Variants in TMF1 observed in about 807,000 individuals in gnomAD.
TMF1 encodes the protein TATA element modulatory factor 1, also known as TATA element modulatory factor.
TMF1 carries 71 observed loss-of-function variants against 126.5 expected under a neutral mutation model. That is an observed-to-expected ratio of 0.56 (90% confidence interval 0.46 to 0.68). The LOEUF (loss-of-function observed/expected upper bound fraction) is 0.68, where lower values mean the gene tolerates loss of function less well. Among genes scored for constraint, TMF1 ranks in the 30% least tolerant of loss-of-function variants. The probability of loss-of-function intolerance (pLI) is 0.00; values close to 1 mark genes in which losing one functional copy is unlikely to be tolerated. For synonymous variants in TMF1, 461 were observed against 430.5 expected, an observed-to-expected ratio of 1.07 and a Z score of -0.88; for missense variants, 1,259 against 1,253.2, an observed-to-expected ratio of 1.00 and a Z score of -0.07.
At chr3:69,043,491 G>A (rs930944203) in intron 4 of TMF1, among the ~76,000 whole-genome samples, 31 of 152,102 alleles carry the variant, frequency 2.0e-4, no homozygotes, top group Admixed American at 2.0e-3. Context: ...TTTTTTAGTA[G>A]AGGCAGGGTC....
chr3:69,052,101 C>T lies in TMF1; in HGVS notation c.-15G>A, dbSNP rs1248358070. 2 of 1,601,624 alleles carry T rather than the reference C, an allele frequency of 1.2e-6. No individual in the cohort carries two copies. The highest frequency in any genetic ancestry group is 2.2e-5 in the East Asian group (1 of 44,474). On this transcript the variant is annotated 5_prime_UTR_variant, in exon 1 of 17. Transcript: ENST00000398559. Reference sequence around the variant, plus strand: ...AACCAACTCATCGCCCCTCCTCAGCCGGCAGTGGCGGCGGCAGCACCAAGC... The same window carrying T: ...AACCAACTCATCGCCCCTCCTCAGCTGGCAGTGGCGGCGGCAGCACCAAGC...
chr3:69,049,428 T>C (rs1235669523), intron 1 of TMF1, among the ~76,000 whole-genome samples: 2 of 152,192 alleles, frequency 1.3e-5, no homozygotes, highest in Non-Finnish European at 2.9e-5. Flanking sequence ...ACAAATGTTC[T>C]TTCCCGAAGA....
rs1359720426 is a variant in TMF1, at chr3:69,043,027, G to T, written c.1579-115C>A. The T allele has an allele frequency of 1.5e-5, 11 of 723,846 alleles. No individual in the cohort carries two copies. The East Asian group carries it at 2.5e-4, about 16-fold the overall frequency. 44.8% of individuals were successfully genotyped at this position (723,846 alleles called of 1,614,324 possible). ...ATAATCACATTTGCAATAAGAATCT[G>T]TAAGTTTTGTTCAGTTAATCTACTA... On this transcript the variant is annotated intron_variant, in intron 4 of 16. Coordinates refer to ENST00000398559, the MANE Select transcript of TMF1 (RefSeq NM_007114.3).
At chr3:69,039,714 TA>T in intron 5 of TMF1, 21 bp from the exon 6 acceptor site, 1 of 1,600,554 alleles carries the variant, frequency 6.2e-7, no homozygotes, top group African/African-American at 1.3e-5. Flanking sequence ...TAAAGAAGTA[TA>T]AACTCAAATG....
At chr3:69,023,710 TA>T (rs2091751681) in intron 16 of TMF1, among the ~76,000 whole-genome samples, 1 of 152,084 alleles carries the variant, frequency 6.6e-6, no homozygotes, top group African/African-American at 2.4e-5. Context: ...ACTTATGGCT[TA>T]ACAGTGTCTT....
intron 5 of TMF1, among the ~76,000 whole-genome samples, chr3:69,042,008 T>G (rs2091867904): frequency 6.6e-6 from 1 of 152,170 alleles, no homozygotes; most frequent in African/African-American, 2.4e-5. Flanking sequence ...GAATAGATCT[T>G]TAATTTCTGT....
rs2107470651 is a variant in TMF1, at chr3:69,048,359, A to G, written c.346T>C (p.Ser116Pro). The change falls in exon 2 of 17, where the codon TCA (serine) becomes CCA (proline). Residue 116 changes from serine to proline, a missense_variant. By Grantham distance (74) the Ser-to-Pro change is moderately conservative. Transcript: ENST00000398559. ...VQTIQKSPVV[S>P]KPPAKSQRPE... is the part of the protein sequence containing the mutation. ...CGTTGTGATTTTGCTGGAGGTTTTGATACCACTGGACTCTTCTGAATGGTC... is the reference window on the plus strand; with the variant it reads ...CGTTGTGATTTTGCTGGAGGTTTTGGTACCACTGGACTCTTCTGAATGGTC... 1 of 1,614,098 alleles carries G rather than the reference A, an allele frequency of 6.2e-7. No individual in the cohort carries two copies. Among genetic ancestry groups the G allele is most frequent in the Non-Finnish European group, 8.5e-7 (1 of 1,179,990 alleles).
chr3:69,046,981 T>G (rs2091899017), intron 2 of TMF1, among the ~76,000 whole-genome samples: 1 of 152,156 alleles, frequency 6.6e-6, no homozygotes, highest in African/African-American at 2.4e-5. Flanking sequence ...TAACATTTAG[T>G]TTTTTTGGCA....
At chr3:69,026,890 A>C (rs2091770572) in intron 13 of TMF1, among the ~76,000 whole-genome samples, 2 of 152,220 alleles carry the variant, frequency 1.3e-5, no homozygotes, top group Admixed American at 1.3e-4. Flanking sequence ...ATTCCAAATA[A>C]ATTCAATAGG....
intron 5 of TMF1, 48 bp downstream of exon 5, chr3:69,042,759 T>C: frequency 6.8e-7 from 1 of 1,471,254 alleles, no homozygotes; most frequent in South Asian, 1.2e-5. Context: ...GCAAGTACTT[T>C]TCCTGTTCTT....
At chr3:69,034,863 GC>G (rs1171751602) in intron 9 of TMF1, 159 bp downstream of exon 9, 2 of 650,456 alleles carry the variant, frequency 3.1e-6, no homozygotes, top group Non-Finnish European at 5.5e-6. Flanking sequence ...TTTTTAAGGT[GC>G]CCACTCTGAT....
In TMF1 at chr3:69,047,156, C is replaced by T. The variant is rs558936624; in HGVS notation, c.1347+202G>A. Among the ~76,000 whole-genome samples, 7 of 152,306 alleles carry T rather than the reference C, an allele frequency of 4.6e-5. No homozygotes were observed. The South Asian group carries it at 6.2e-4, about 14-fold the overall frequency. The stretch of plus-strand genomic sequence containing the variant: ...AACTGTATTGAAGTATCAACTTATT[C>T]TACCATAATTGCCTTGGAGAAATTC... On this transcript the variant is annotated intron_variant, in intron 2 of 16. Coordinates refer to ENST00000398559, the MANE Select transcript of TMF1 (RefSeq NM_007114.3).
At position 69,048,337 on chromosome 3, in the gene TMF1, T is replaced by G; in HGVS notation, c.368A>C (p.Gln123Pro). The G allele has an allele frequency of 6.2e-7, 1 of 1,614,192 alleles. No homozygotes were observed. Among genetic ancestry groups the G allele is most frequent in the Non-Finnish European group, 8.5e-7 (1 of 1,180,036 alleles). Residue 123 changes from glutamine (Q) to proline (P), a missense_variant, in exon 2 of 17, where the codon CAA (glutamine) becomes CCA (proline). Gln to Pro is a moderately conservative substitution (Grantham distance 76, BLOSUM62 -1). Coordinates refer to ENST00000398559, the MANE Select transcript of TMF1 (RefSeq NM_007114.3). ...GCTTTTCACTTCTTCTTCTGGTCGT[T>G]GTGATTTTGCTGGAGGTTTTGATAC... The part of the protein sequence containing the change: ...PVVSKPPAKS[Q>P]RPEEEVKSSL...
rs749747334 is a variant in TMF1, at chr3:69,048,304, T to A, written c.401A>T (p.His134Leu). 5.0e-6 allele frequency: 8 copies of A among 1,614,118 alleles called. No homozygotes were observed. Among genetic ancestry groups the A allele is most frequent in the African/African-American group, 1.3e-5 (1 of 74,932 alleles). Residue 134 changes from histidine (H) to leucine (L), a missense_variant, in exon 2 of 17, where the codon CAT (histidine) becomes CTT (leucine). Transcript: ENST00000398559. ...TGACTGGCCAATGTGCAAGGATTCA[T>A]GTAAGCTGCTTTTCACTTCTTCTTC... ...RPEEEVKSSL[H>L]ESLHIGQSRT...
chr3:69,025,908 A>G (rs1230011240), intron 14 of TMF1, 88 bp downstream of exon 14: 1 of 1,232,856 alleles, frequency 8.1e-7, no homozygotes, highest in East Asian at 2.4e-5. Context: ...TAGAATGGCA[A>G]GGTCATGATG....
At chr3:69,025,379 T>C in intron 15 of TMF1, 181 bp downstream of exon 15, 1 of 542,208 alleles carries the variant, frequency 1.8e-6, no homozygotes, top group South Asian at 3.0e-5. Context: ...TTGGCTGTTA[T>C]CCTTAGCTAA....
At chr3:69,044,199 T>C (rs2091882649) in intron 3 of TMF1, among the ~76,000 whole-genome samples, 1 of 152,204 alleles carries the variant, frequency 6.6e-6, no homozygotes, top group South Asian at 2.1e-4. Flanking sequence ...ATAGCACAAC[T>C]GTGTTATTGA....
chr3:69,041,906 A>T lies in TMF1; in HGVS notation c.1684+901T>A, dbSNP rs541830145. ...ATTAACAAGAGAAATAAAAAGAGAGATTCACTTGACCACGTTTTCCAAAGG... is the reference window on the plus strand; with the variant it reads ...ATTAACAAGAGAAATAAAAAGAGAGTTTCACTTGACCACGTTTTCCAAAGG... On this transcript the variant is annotated intron_variant, in intron 5 of 16. Coordinates refer to ENST00000398559, the MANE Select transcript of TMF1 (RefSeq NM_007114.3). Among the ~76,000 whole-genome samples the T allele has an allele frequency of 1.8e-4, 27 of 152,304 alleles. No individual in the cohort carries two copies. In the South Asian group the frequency reaches 5.4e-3, roughly 30 times the overall value.
intron 6 of TMF1, 30 bp downstream of exon 6, chr3:69,039,521 T>A: frequency 6.2e-7 from 1 of 1,601,076 alleles, no homozygotes; most frequent in Non-Finnish European, 8.5e-7. Context: ...AATAACAATA[T>A]ATATGTAGAG....
Sources: gnomAD v4.1 joint callset for allele counts (sites outside exome capture counted in the v4.1 genomes callset) on GRCh38, gnomAD v4.1.1 for gene constraint, MANE v1.5 for transcripts, NCBI Gene and HGNC (gene_info 2026-07-23, HGNC 2026-07-21) for gene names.